The following GRM3 variants were observed in gnomAD, a reference collection of about 807,000 sequenced individuals.
GRM3 encodes glutamate metabotropic receptor 3.
In GRM3, 26 loss-of-function variants were observed where a neutral mutation model predicts 70.5. The ratio of observed to expected loss-of-function variants is 0.37; its 90% CI spans 0.27 to 0.51. The LOEUF (loss-of-function observed/expected upper bound fraction) is 0.51. GRM3 is among the 20% of genes least tolerant of loss of function. GRM3 has a pLI of 0.93. For synonymous variants in GRM3, 443 were observed against 434.9 expected, an observed-to-expected ratio of 1.02 and a Z score of -0.23; for missense variants, 859 against 1,123.8, an observed-to-expected ratio of 0.76 and a Z score of 3.37.
At chr7:86,676,668 A>G (rs933063360) in intron 1 of GRM3, among the ~76,000 whole-genome samples, 15 of 152,110 alleles carry the variant, frequency 9.9e-5, no homozygotes, top group Non-Finnish European at 2.1e-4. Flanking sequence ...AATCATAAAC[A>G]TAACTACAGC....
At position 86,705,405 on chromosome 7, in the gene GRM3, A is replaced by G. The variant is rs146193481; in HGVS notation, c.-140-59601A>G. 2.4e-4 allele frequency among the ~76,000 whole-genome samples: 37 copies of G among 152,126 alleles called. 2 individuals carry two copies. The East Asian group carries it at 6.2e-3, about 25-fold the overall frequency. ...CTGGAGAACTGAGAGAGTCATCTCT[A>G]TTTCTCAATTTTGAGACAGACTCTT... On this transcript the variant is annotated intron_variant, in intron 1 of 5. Transcript: ENST00000361669.
intron 1 of GRM3, among the ~76,000 whole-genome samples, chr7:86,653,422 G>A (rs1471383152): frequency 6.6e-6 from 1 of 152,172 alleles, no homozygotes; most frequent in Non-Finnish European, 1.5e-5. Context: ...TCCACAGCAA[G>A]TTCATTCTAA....
chr7:86,752,688 AG>A (rs1170419139), intron 1 of GRM3, among the ~76,000 whole-genome samples: 2 of 152,084 alleles, frequency 1.3e-5, no homozygotes, highest in African/African-American at 2.4e-5. Context: ...AGTGTTATAG[AG>A]GACCCAAACC....
chr7:86,836,476 A>T (rs1287931123), intron 3 of GRM3, among the ~76,000 whole-genome samples: 1 of 152,242 alleles, frequency 6.6e-6, no homozygotes, highest in East Asian at 1.9e-4. Context: ...TCAATATTTC[A>T]CTAAGTAAAA....
chr7:86,681,325 G>A (rs933834471), intron 1 of GRM3, among the ~76,000 whole-genome samples: 5 of 152,228 alleles, frequency 3.3e-5, no homozygotes, highest in Admixed American at 6.6e-5. Context: ...TACTGGCCAA[G>A]GGGATTGGGC....
chr7:86,703,167 A>T (rs532884343), intron 1 of GRM3, among the ~76,000 whole-genome samples: 9 of 152,018 alleles, frequency 5.9e-5, no homozygotes, highest in South Asian at 4.1e-4. Flanking sequence ...TCTTAAGTCA[A>T]TGTTTTTCAT....
intron 1 of GRM3, among the ~76,000 whole-genome samples, chr7:86,681,759 G>T (rs908796706): frequency 6.6e-6 from 1 of 152,088 alleles, no homozygotes; most frequent in Non-Finnish European, 1.5e-5. Flanking sequence ...TCATCTTCAT[G>T]ATTTCAACAA....
Position 86,666,686 on chromosome 7 carries a change from G to A in GRM3, c.-141+21814G>A, listed in dbSNP as rs185392561. On this transcript the variant is annotated intron_variant, in intron 1 of 5. Transcript: ENST00000361669. ...GATCCAAACTAGCTATTTTTTTAAT[G>A]AGAAAATTGACTTGTTTATGAAGCA... 4.6e-5 allele frequency among the ~76,000 whole-genome samples: 7 copies of A among 151,916 alleles called. 1 individual carries two copies. In the East Asian group the frequency reaches 1.4e-3, roughly 29 times the overall value.
intron 1 of GRM3, among the ~76,000 whole-genome samples, chr7:86,677,859 C>T (rs1562822628): frequency 1.3e-5 from 2 of 151,778 alleles, no homozygotes; most frequent in African/African-American, 2.4e-5. Context: ...AATAAATTAT[C>T]GGAGCTGGTT....
chr7:86,711,262 CT>C (rs1795193923), intron 1 of GRM3, among the ~76,000 whole-genome samples: 1 of 151,836 alleles, frequency 6.6e-6, no homozygotes, highest in Admixed American at 6.6e-5. Flanking sequence ...TATATGACAG[CT>C]TTTGTGAACA....
At chr7:86,832,657 C>T (rs570634563) in intron 3 of GRM3, among the ~76,000 whole-genome samples, 78 of 152,218 alleles carry the variant, frequency 5.1e-4, no homozygotes, top group African/African-American at 1.9e-3. Flanking sequence ...TATTCTCTTA[C>T]CTTAATTGGA....
chr7:86,774,592 ATATTT>A (rs1442850098), intron 2 of GRM3, among the ~76,000 whole-genome samples: 3 of 152,142 alleles, frequency 2.0e-5, no homozygotes, highest in African/African-American at 7.2e-5. Context: ...TTCAAAAATT[ATATTT>A]TAAACATAGA....
At chr7:86,820,854 C>G (rs781070703) in intron 3 of GRM3, among the ~76,000 whole-genome samples, 2 of 152,120 alleles carry the variant, frequency 1.3e-5, no homozygotes, top group Non-Finnish European at 1.5e-5. Flanking sequence ...TTCCAGCCTC[C>G]CAGGCTCTTC....
chr7:86,805,885 C>T (rs1797780153), intron 3 of GRM3, among the ~76,000 whole-genome samples: 1 of 151,886 alleles, frequency 6.6e-6, no homozygotes, highest in Non-Finnish European at 1.5e-5. Context: ...TCTCCTAATG[C>T]TATCCCTCCC....
At chr7:86,757,987 G>GA (rs1259436470) in intron 1 of GRM3, among the ~76,000 whole-genome samples, 5 of 152,092 alleles carry the variant, frequency 3.3e-5, no homozygotes, top group African/African-American at 4.8e-5. Context: ...CTGTTTTGTA[G>GA]ACTTGTTGGA....
chr7:86,822,630 T>C (rs1328518787), intron 3 of GRM3, among the ~76,000 whole-genome samples: 1 of 152,154 alleles, frequency 6.6e-6, no homozygotes, highest in African/African-American at 2.4e-5. Context: ...ATATGAATGG[T>C]GAATGGGAAG....
chr7:86,862,231 G>T (rs1291403241), intron 5 of GRM3, among the ~76,000 whole-genome samples: 1 of 152,092 alleles, frequency 6.6e-6, no homozygotes, highest in Non-Finnish European at 1.5e-5. Context: ...ACAAAAGGCT[G>T]CAGAAAAAGC....
chr7:86,828,550 G>A (rs921830254), intron 3 of GRM3, among the ~76,000 whole-genome samples: 3 of 151,900 alleles, frequency 2.0e-5, no homozygotes, highest in Non-Finnish European at 4.4e-5. Context: ...TTTATTAAGT[G>A]TACAGTAGCA....
At chr7:86,645,340 A>C (rs1006120357) in intron 1 of GRM3, among the ~76,000 whole-genome samples, 1 of 152,206 alleles carries the variant, frequency 6.6e-6, no homozygotes, top group African/African-American at 2.4e-5. Flanking sequence ...TGGTCCATGC[A>C]GCCCAGATAA....
Sources: allele counts gnomAD v4.1 joint callset (sites outside exome capture counted in the v4.1 genomes callset), GRCh38; gene constraint gnomAD v4.1.1; transcripts MANE v1.5; gene names NCBI Gene and HGNC (gene_info 2026-07-23, HGNC 2026-07-21).